TTC23L: variants seen among roughly 807,000 people sequenced by gnomAD.
The protein encoded by TTC23L is tetratricopeptide repeat domain 23 like.
Under a neutral mutation model 48.1 loss-of-function variants are expected in TTC23L, and 42 were observed. The ratio of observed to expected loss-of-function variants is 0.87; its 90% CI spans 0.68 to 1.13. The LOEUF is 1.13. TTC23L is among the 50% of genes most tolerant of loss of function. TTC23L has a pLI of 0.00. For missense variants in TTC23L, 391 were observed against 421.0 expected (o/e 0.93, Z 0.62); for synonymous variants, 159 against 157.2 (o/e 1.01, Z -0.09).
intron 4 of TTC23L, among the ~76,000 whole-genome samples, chr5:34,861,814 A>G (rs142620495): frequency 1.7e-3 from 258 of 152,282 alleles, no homozygotes; most frequent in African/African-American, 5.7e-3. Context: ...GAATGTGTTT[A>G]CCAGCCCCTA....
In TTC23L at chr5:34,839,961, G is replaced by A. The variant is rs1758468576; in HGVS notation, c.-8+702G>A. ...CTCGCTCTGTCGCCCAGGCTGGAGT[G>A]CAGTGGCGCGATCTCCGCCTCCCGG... On this transcript the variant is annotated intron_variant, in intron 1 of 10. Transcript: ENST00000505624. Among the ~76,000 whole-genome samples the A allele has an allele frequency of 3.3e-5, 5 of 152,302 alleles. No homozygotes were observed. The South Asian group carries it at 1.0e-3, about 32-fold the overall frequency.
chr5:34,889,276 A>G (rs758771878), intron 9 of TTC23L, among the ~76,000 whole-genome samples: 22 of 152,196 alleles, frequency 1.4e-4, no homozygotes, highest in Non-Finnish European at 2.4e-4. Context: ...TTGATGTTTT[A>G]TAATGGAATT....
At chr5:34,845,598 A>G in exon 3 of TTC23L, 1 of 1,614,050 alleles carries the variant, frequency 6.2e-7, no homozygotes, top group Non-Finnish European at 8.5e-7. Context: ...AGAAGGCCAT[A>G]GACTGTATGT....
At chr5:34,921,872 A>C in the TTC23L span, 1 of 154,612 alleles carries the variant, frequency 6.5e-6, no homozygotes. Context: ...GTGCCATTGC[A>C]CTCCAGCCTG....
intron 9 of TTC23L, among the ~76,000 whole-genome samples, chr5:34,882,489 AT>A (rs1263412335): frequency 6.6e-6 from 1 of 152,170 alleles, no homozygotes; most frequent in Non-Finnish European, 1.5e-5. Flanking sequence ...AAACTGCTGA[AT>A]TTTATAACAC....
At chr5:34,888,935 A>C (rs1413785909) in intron 9 of TTC23L, among the ~76,000 whole-genome samples, 4 of 152,184 alleles carry the variant, frequency 2.6e-5, no homozygotes, top group Non-Finnish European at 1.5e-5. Context: ...AACATAAGGC[A>C]AGTTTTTTTA....
chr5:34,877,304 G>T (rs888365301), intron 8 of TTC23L, among the ~76,000 whole-genome samples: 1 of 150,142 alleles, frequency 6.7e-6, no homozygotes, highest in Non-Finnish European at 1.5e-5. Context: ...AATACAGGGG[G>T]ATTTCCTCAG....
the TTC23L span, among the ~76,000 whole-genome samples, chr5:34,912,227 G>A: frequency 3.9e-5 from 6 of 152,316 alleles, no homozygotes; most frequent in African/African-American, 1.2e-4. Flanking sequence ...GTACTGTAAC[G>A]TCAGTGTACT....
intron 8 of TTC23L, among the ~76,000 whole-genome samples, chr5:34,875,261 C>A (rs1580464145): frequency 6.6e-6 from 1 of 152,166 alleles, no homozygotes; most frequent in African/African-American, 2.4e-5. Context: ...TAGTTGTACT[C>A]TTCAACACCC....
At chr5:34,885,936 T>C (rs1762515614) in intron 9 of TTC23L, among the ~76,000 whole-genome samples, 1 of 152,086 alleles carries the variant, frequency 6.6e-6, no homozygotes, top group African/African-American at 2.4e-5. Flanking sequence ...ATTGTATGGG[T>C]ATTTATTTTA....
intron 4 of TTC23L, among the ~76,000 whole-genome samples, chr5:34,852,293 C>T (rs976884824): frequency 6.6e-6 from 1 of 152,148 alleles, no homozygotes; most frequent in Non-Finnish European, 1.5e-5. Flanking sequence ...AAACTCGTTA[C>T]ACAGAATATT....
intron 4 of TTC23L, among the ~76,000 whole-genome samples, chr5:34,859,449 G>A (rs952782427): frequency 1.3e-5 from 2 of 152,112 alleles, no homozygotes; most frequent in Non-Finnish European, 2.9e-5. Flanking sequence ...ATCTGCTATG[G>A]TTCGAGCATG....
At chr5:34,883,867 C>T (rs552228942) in intron 9 of TTC23L, among the ~76,000 whole-genome samples, 4 of 152,272 alleles carry the variant, frequency 2.6e-5, no homozygotes, top group South Asian at 2.1e-4. Flanking sequence ...TCAAACTCTT[C>T]CATTTTCTGG....
At chr5:34,914,886 G>C in the TTC23L span, 1 of 1,614,122 alleles carries the variant, frequency 6.2e-7, no homozygotes, top group Non-Finnish European at 8.5e-7. Flanking sequence ...TGGGTCAGAA[G>C]GGGCATCGTC....
chr5:34,885,995 T>C (rs1290155695), intron 9 of TTC23L, among the ~76,000 whole-genome samples: 1 of 152,020 alleles, frequency 6.6e-6, no homozygotes, highest in African/African-American at 2.4e-5. Context: ...AAATAAAAAA[T>C]AGGTGAACAA....
chr5:34,846,600 T>TATATATACAC lies in TTC23L; in HGVS notation c.255+928_255+929insTATATACACA, dbSNP rs61009546. On this transcript the variant is annotated intron_variant, in intron 3 of 10. Coordinates refer to ENST00000505624, the Ensembl canonical transcript of TTC23L. ...AAATATATATATATATATATATATA[T>TATATATACAC]ACACACACATATATATACACACACA... 8.2e-4 allele frequency among the ~76,000 whole-genome samples: 76 copies of TATATATACAC among 92,894 alleles called. 3 individuals carry two copies. The highest frequency in any genetic ancestry group is 6.0e-3 in the Middle Eastern group (1 of 166). The allele number at this position is 92,894 out of a possible 152,430, so 60.9% of individuals were successfully genotyped here.
intron 8 of TTC23L, among the ~76,000 whole-genome samples, chr5:34,879,642 A>G (rs909344105): frequency 6.6e-6 from 1 of 152,122 alleles, no homozygotes; most frequent in Non-Finnish European, 1.5e-5. Context: ...CTTTTTTGCT[A>G]CAAAAAATTC....
chr5:34,860,090 G>C (rs911659782), intron 4 of TTC23L, among the ~76,000 whole-genome samples: 1 of 151,794 alleles, frequency 6.6e-6, no homozygotes, highest in South Asian at 2.1e-4. Context: ...CTCGTGATCC[G>C]CCCGCCTCGG....
the TTC23L span, chr5:34,909,035 TAAG>T: frequency 7.9e-7 from 1 of 1,264,988 alleles, no homozygotes. Context: ...GTAGCAAATC[TAAG>T]AATAAAATCA....
Sources: allele counts gnomAD v4.1 joint callset (sites outside exome capture counted in the v4.1 genomes callset), GRCh38; gene constraint gnomAD v4.1.1; transcripts MANE v1.5; gene names NCBI Gene and HGNC (gene_info 2026-07-23, HGNC 2026-07-21).